Variants in GRM7 observed in about 807,000 individuals in gnomAD.
The protein encoded by GRM7 is metabotropic glutamate receptor 7.
Under a neutral mutation model 84.5 loss-of-function variants are expected in GRM7, and 35 were observed. The observed-to-expected ratio is 0.41, with a 90% CI of 0.32 to 0.55. The LOEUF is 0.55. GRM7 is among the 20% of genes least tolerant of loss of function. GRM7 has a pLI of 0.19. For synonymous variants in GRM7, 487 were observed against 455.1 expected (o/e 1.07, Z -0.89); for missense variants, 1,003 against 1,194.6 (o/e 0.84, Z 2.36).
chr3:7,669,901 T>A (rs887663561), intron 8 of GRM7, among the ~76,000 whole-genome samples: 4 of 147,002 alleles, frequency 2.7e-5, no homozygotes, highest in African/African-American at 1.1e-4. Flanking sequence ...TGACTACTTG[T>A]TTACACTTTT....
intron 8 of GRM7, among the ~76,000 whole-genome samples, chr3:7,620,744 T>A (rs1313000654): frequency 1.3e-5 from 2 of 152,170 alleles, no homozygotes; most frequent in East Asian, 3.9e-4. Flanking sequence ...TGCTTTAAAA[T>A]GACCCAAATT....
In GRM7 at chr3:6,926,872, C is replaced by T. The variant is rs180921956; in HGVS notation, c.519+64965C>T. ...TAGAGTTGCGGCAAACATCTTTGTA[C>T]AACATATTTACCCAGATACCTGATA... On this transcript the variant is annotated intron_variant, in intron 1 of 9. Transcript: ENST00000357716. Among the ~76,000 whole-genome samples, 15 of 152,262 alleles carry T rather than the reference C, an allele frequency of 9.9e-5. No homozygotes were observed. The East Asian group carries it at 2.9e-3, about 29-fold the overall frequency.
intron 1 of GRM7, among the ~76,000 whole-genome samples, chr3:6,978,768 A>C (rs1694091554): frequency 6.6e-6 from 1 of 152,192 alleles, no homozygotes; most frequent in African/African-American, 2.4e-5. Flanking sequence ...AAAATAATGG[A>C]GAAGACTTTG....
rs1575009716 is a variant in GRM7, at chr3:7,188,920, C to G, written c.736+42252C>G. Among the ~76,000 whole-genome samples, 1 of 152,284 alleles carries G rather than the reference C, an allele frequency of 6.6e-6. No homozygotes were observed. Among genetic ancestry groups the G allele is most frequent in the Non-Finnish European group, 1.5e-5 (1 of 68,020 alleles). On this transcript the variant is annotated intron_variant, in intron 2 of 9. Transcript: ENST00000357716. The surrounding 1 kb of genome is among the most constrained non-coding windows in gnomAD (Gnocchi z 4.2). ...AATGCACAAATATTGTATTAAGTTT[C>G]TATTGTCAATAGCTGGATGGATGTG...
intron 7 of GRM7, among the ~76,000 whole-genome samples, chr3:7,568,408 A>T (rs1694429846): frequency 6.6e-6 from 1 of 152,218 alleles, no homozygotes; most frequent in Non-Finnish European, 1.5e-5. Flanking sequence ...AGAGCAAGTG[A>T]CGTCTTACAA....
At position 7,689,784 on chromosome 3, in the gene GRM7, A is replaced by G. The variant is rs114448311; in HGVS notation, c.2698+9489A>G. Among the ~76,000 whole-genome samples, 245 of 152,260 alleles carry G rather than the reference A, an allele frequency of 1.6e-3. 2 individuals carry two copies. The highest frequency in any genetic ancestry group is 8.8e-4 in the Non-Finnish European group (60 of 68,016). On this transcript the variant is annotated intron_variant, in intron 9 of 9. Transcript: ENST00000357716. The stretch of plus-strand genomic sequence containing the variant: ...CCTATCTGGTCAAGATTTTTTACTG[A>G]GTATCCTTAAATTGGGTCAATCAAA...
intron 1 of GRM7, among the ~76,000 whole-genome samples, chr3:7,116,977 T>C (rs1412001861): frequency 1.3e-5 from 2 of 152,138 alleles, no homozygotes; most frequent in African/African-American, 4.8e-5. Flanking sequence ...GGAATAAAAT[T>C]TTGACTCAGG....
At chr3:7,644,380 T>C (rs1241589907) in intron 8 of GRM7, among the ~76,000 whole-genome samples, 1 of 151,582 alleles carries the variant, frequency 6.6e-6, no homozygotes, top group Non-Finnish European at 1.5e-5. Flanking sequence ...CTTCTGATAA[T>C]ATAATTTGCA....
intron 4 of GRM7, among the ~76,000 whole-genome samples, chr3:7,363,143 T>C (rs1212584868): frequency 6.6e-6 from 1 of 151,324 alleles, no homozygotes; most frequent in Non-Finnish European, 1.5e-5. Flanking sequence ...TAAAATATAA[T>C]AAATGATAAA....
intron 8 of GRM7, among the ~76,000 whole-genome samples, chr3:7,610,599 A>C (rs1245864514): frequency 6.6e-6 from 1 of 152,170 alleles, no homozygotes; most frequent in Non-Finnish European, 1.5e-5. Flanking sequence ...TAACAAAAAG[A>C]AGTACACCAG....
intron 4 of GRM7, among the ~76,000 whole-genome samples, chr3:7,358,615 TC>T (rs1693514631): frequency 6.7e-6 from 1 of 148,618 alleles, no homozygotes. Context: ...TTAACTTTAA[TC>T]CAGTGCTTCC....
chr3:7,180,201 A>G (rs567059935), intron 2 of GRM7, among the ~76,000 whole-genome samples: 1 of 152,320 alleles, frequency 6.6e-6, no homozygotes, highest in South Asian at 2.1e-4. Context: ...CCACACTAGA[A>G]TCTGGTGGCC....
intron 4 of GRM7, among the ~76,000 whole-genome samples, chr3:7,312,718 A>G (rs1345609789): frequency 6.6e-6 from 1 of 152,074 alleles, no homozygotes; most frequent in Non-Finnish European, 1.5e-5. Context: ...ATTGGGATGG[A>G]TGATGACATT....
chr3:7,397,158 TAAAC>T (rs780322208), intron 4 of GRM7, among the ~76,000 whole-genome samples: 1 of 152,058 alleles, frequency 6.6e-6, no homozygotes, highest in South Asian at 2.1e-4. Context: ...AGTAACTAAA[TAAAC>T]AAAACAAGAT....
chr3:7,332,881 C>G (rs572883831), intron 4 of GRM7, among the ~76,000 whole-genome samples: 3 of 152,138 alleles, frequency 2.0e-5, no homozygotes, highest in African/African-American at 2.4e-5. Context: ...TTCTACCAGC[C>G]CTGGTAGCTA....
At chr3:6,923,224 A>T (rs1189420242) in intron 1 of GRM7, among the ~76,000 whole-genome samples, 1 of 152,028 alleles carries the variant, frequency 6.6e-6, no homozygotes, top group East Asian at 1.9e-4. Flanking sequence ...TATGTTGGCC[A>T]GGCTGGTCTC....
intron 2 of GRM7, among the ~76,000 whole-genome samples, chr3:7,267,567 C>A (rs549517844): frequency 1.9e-4 from 29 of 152,326 alleles, no homozygotes; most frequent in South Asian, 6.2e-4. Flanking sequence ...CTAGGTCCTG[C>A]TGCTTGCAGC....
chr3:6,929,904 C>T (rs113908695), intron 1 of GRM7, among the ~76,000 whole-genome samples: 27 of 152,240 alleles, frequency 1.8e-4, no homozygotes, highest in African/African-American at 4.8e-4. Flanking sequence ...ATGGGAACAA[C>T]GCTTCTCCTC....
intron 7 of GRM7, among the ~76,000 whole-genome samples, chr3:7,555,801 G>A (rs899632717): frequency 6.6e-6 from 1 of 152,136 alleles, no homozygotes; most frequent in Non-Finnish European, 1.5e-5. Context: ...TGCATGTGCA[G>A]TAGTCCCAGC....
Sources: gnomAD v4.1 joint callset for allele counts (sites outside exome capture counted in the v4.1 genomes callset) on GRCh38, gnomAD v4.1.1 for gene constraint, Gnocchi (gnomAD v3.1) non-coding constraint, MANE v1.5 for transcripts, NCBI Gene and HGNC (gene_info 2026-07-23, HGNC 2026-07-21) for gene names.